EYS: variants seen among roughly 807,000 people sequenced by gnomAD.
EYS encodes the protein protein eyes shut homolog.
In EYS, 250 loss-of-function variants were observed where a neutral mutation model predicts 282.1. The observed-to-expected ratio is 0.89, with a 90% CI of 0.80 to 0.98. EYS has a LOEUF of 0.98. Ranked by LOEUF, EYS falls within the 50% of genes least tolerant of loss-of-function variation. The pLI, the probability that EYS is intolerant of heterozygous loss-of-function variation, is 0.00. For synonymous variants in EYS, 1,355 were observed against 1,282.9 expected (o/e 1.06, Z -1.20); for missense variants, 4,016 against 3,709.0 (o/e 1.08, Z -2.15).
chr6:65,454,964 C>T (rs561589157), intron 5 of EYS, among the ~76,000 whole-genome samples: 3 of 152,048 alleles, frequency 2.0e-5, no homozygotes, highest in African/African-American at 7.2e-5. Flanking sequence ...GTGATATTTG[C>T]TTAGGGTTGC....
chr6:64,686,761 ATGTG>A (rs1179411692), intron 22 of EYS, among the ~76,000 whole-genome samples: 1 of 19,458 alleles, frequency 5.1e-5, no homozygotes, highest in African/African-American at 1.3e-4. Flanking sequence ...ATATATATAT[ATGTG>A]TGTATATATA....
At chr6:65,319,934 GA>G (rs1769423925) in intron 11 of EYS, among the ~76,000 whole-genome samples, 1 of 147,478 alleles carries the variant, frequency 6.8e-6, no homozygotes, top group East Asian at 1.9e-4. Flanking sequence ...AATTTTTCAA[GA>G]AAAATTTTCT....
chr6:65,655,657 A>ATTTG (rs1395576337), intron 1 of EYS, among the ~76,000 whole-genome samples: 1 of 151,606 alleles, frequency 6.6e-6, no homozygotes, highest in East Asian at 1.9e-4. Flanking sequence ...GTGTTTTTTT[A>ATTTG]TTTGTTTGTT....
intron 22 of EYS, among the ~76,000 whole-genome samples, chr6:64,711,788 G>C (rs533719220): frequency 1.1e-4 from 16 of 152,142 alleles, no homozygotes. Context: ...TCCGAAGTCA[G>C]GTTGTCTCTT....
intron 29 of EYS, among the ~76,000 whole-genome samples, chr6:64,368,058 T>A (rs1379771807): frequency 6.6e-6 from 1 of 152,110 alleles, no homozygotes; most frequent in Non-Finnish European, 1.5e-5. Context: ...ATAAGCGTAG[T>A]ATCCAATAGG....
At chr6:65,552,456 G>C (rs1768629493) in intron 2 of EYS, among the ~76,000 whole-genome samples, 1 of 151,998 alleles carries the variant, frequency 6.6e-6, no homozygotes, top group African/African-American at 2.4e-5. Context: ...AAATTGGCTT[G>C]ATGATTCAAA....
At chr6:64,408,219 T>G (rs1773785850) in intron 28 of EYS, among the ~76,000 whole-genome samples, 1 of 152,016 alleles carries the variant, frequency 6.6e-6, no homozygotes, top group African/African-American at 2.4e-5. Context: ...ATAAGAAATG[T>G]TTTCTCATTA....
intron 9 of EYS, among the ~76,000 whole-genome samples, chr6:65,350,180 T>C (rs1219982942): frequency 6.6e-6 from 1 of 151,430 alleles, no homozygotes; most frequent in Non-Finnish European, 1.5e-5. Flanking sequence ...CTAAAGTCCC[T>C]AAAATACTTA....
intron 1 of EYS, among the ~76,000 whole-genome samples, chr6:65,669,728 T>C (rs1768320942): frequency 6.6e-6 from 1 of 152,014 alleles, no homozygotes; most frequent in Non-Finnish European, 1.5e-5. Flanking sequence ...TGTAAACTCC[T>C]GTTTCCCTCA....
chr6:64,620,931 T>C (rs902460573), intron 23 of EYS, among the ~76,000 whole-genome samples: 2 of 152,166 alleles, frequency 1.3e-5, no homozygotes, highest in African/African-American at 4.8e-5. Flanking sequence ...AGTAAGTGCA[T>C]AAGGAATAAA....
chr6:65,188,951 A>G (rs1165420591), intron 12 of EYS, among the ~76,000 whole-genome samples: 1 of 151,634 alleles, frequency 6.6e-6, no homozygotes, highest in Admixed American at 6.6e-5. Flanking sequence ...GAACTATAAA[A>G]TAAGGAATTT....
intron 19 of EYS, among the ~76,000 whole-genome samples, chr6:64,856,099 C>T (rs1045321008): frequency 4.6e-5 from 7 of 152,130 alleles, no homozygotes; most frequent in Non-Finnish European, 1.0e-4. Flanking sequence ...ATGTGATACA[C>T]ATTTCCAACT....
chr6:65,557,534 C>T (rs533293934), intron 2 of EYS, among the ~76,000 whole-genome samples: 9 of 152,168 alleles, frequency 5.9e-5, no homozygotes, highest in Admixed American at 1.3e-4. Flanking sequence ...CCAGGAACTG[C>T]GGAGCCCCAA....
chr6:64,160,251 A>G (rs1775063651), intron 31 of EYS, among the ~76,000 whole-genome samples: 1 of 152,248 alleles, frequency 6.6e-6, no homozygotes, highest in South Asian at 2.1e-4. Context: ...CCTAAAATTC[A>G]TAAGCACATT....
Position 64,615,986 on chromosome 6 carries a change from G to A in EYS, c.3684+1432C>T, listed in dbSNP as rs144845685. ...ATTTGATTTTTTTATTAAAGAAAGA[G>A]CTCAAATATTAATAGATTCATATTT... On this transcript the variant is annotated intron_variant, in intron 24 of 42. Coordinates refer to ENST00000503581, the MANE Select transcript of EYS (RefSeq NM_001142800.2). Among the ~76,000 whole-genome samples the A allele has an allele frequency of 3.9e-3, 587 of 151,978 alleles. 4 individuals are homozygous for A. Among genetic ancestry groups the A allele is most frequent in the African/African-American group, 0.014 (566 of 41,456 alleles).
chr6:65,122,842 A>G (rs1463979096), intron 12 of EYS, among the ~76,000 whole-genome samples: 3 of 152,148 alleles, frequency 2.0e-5, no homozygotes, highest in Admixed American at 1.3e-4. Flanking sequence ...TTGAAAATTT[A>G]ACAATGATTA....
At chr6:64,025,709 C>T (rs1037985484) in intron 33 of EYS, among the ~76,000 whole-genome samples, 7 of 152,204 alleles carry the variant, frequency 4.6e-5, no homozygotes, top group Admixed American at 1.3e-4. Context: ...AAGCTGTTCC[C>T]GAAGCTAGGA....
chr6:63,931,743 T>C (rs1764901255), intron 35 of EYS, among the ~76,000 whole-genome samples: 3 of 152,218 alleles, frequency 2.0e-5, no homozygotes, highest in Admixed American at 2.0e-4. Context: ...AGCATACTCA[T>C]CACCTCAAAC....
chr6:65,577,749 T>TA (rs147331700), intron 2 of EYS, among the ~76,000 whole-genome samples: 28,926 of 114,228 alleles, frequency 0.25, 3,149 homozygotes, highest in East Asian at 0.37. Flanking sequence ...AAAGCCTGTT[T>TA]TAAAAAAAAA....
Sources: allele counts gnomAD v4.1 joint callset (sites outside exome capture counted in the v4.1 genomes callset), GRCh38; gene constraint gnomAD v4.1.1; transcripts MANE v1.5; gene names NCBI Gene and HGNC (gene_info 2026-07-23, HGNC 2026-07-21).